The following MAST4 variants were observed in gnomAD, a reference collection of about 807,000 sequenced individuals.
MAST4 encodes the protein microtubule-associated serine/threonine-protein kinase 4.
Under a neutral mutation model 162.7 loss-of-function variants are expected in MAST4, and 89 were observed. The observed-to-expected ratio is 0.55, with a 90% CI of 0.46 to 0.65. The LOEUF (loss-of-function observed/expected upper bound fraction) is 0.65, where lower values mean the gene tolerates loss of function less well. MAST4 is among the 30% of genes least tolerant of loss of function. MAST4 has a pLI of 0.00. For missense variants in MAST4, 3,153 were observed against 3,374.0 expected (o/e 0.93, Z 1.62); for synonymous variants, 1,479 against 1,361.1 (o/e 1.09, Z -1.91).
chr5:67,152,795 G>A lies in MAST4; in HGVS notation c.3454G>A (p.Gly1152Ser). The A allele has an allele frequency of 1.2e-6, 2 of 1,614,042 alleles. No homozygotes were observed. The highest frequency in any genetic ancestry group is 1.1e-5 in the South Asian group (1 of 91,084). Residue 1152 changes from glycine (G) to serine (S), a missense_variant, in exon 25 of 29, where the codon GGC (glycine) becomes AGC (serine). This residue lies in a region of MAST4 where 619 missense variants were observed against 744.2 expected (regional missense o/e 0.83). Transcript: ENST00000403625. ...IVIHSSGKNY[G>S]FTIRAIRVYV... is the part of the protein sequence containing the mutation. ...GATCCACAGTTCGGGGAAGAACTAC[G>A]GCTTTACCATCCGAGCCATCCGGGT...
At chr5:66,958,853 A>G (rs1745634801) in intron 4 of MAST4, 1 of 189,182 alleles carries the variant, frequency 5.3e-6, no homozygotes, top group Admixed American at 5.3e-5. Flanking sequence ...CTCTTTTACA[A>G]GTATGACACT....
intron 3 of MAST4, among the ~76,000 whole-genome samples, chr5:66,811,192 C>T (rs1446732495): frequency 6.6e-6 from 1 of 152,206 alleles, no homozygotes; most frequent in Non-Finnish European, 1.5e-5. Flanking sequence ...GTCAGTAACG[C>T]TCTGCTGCCT....
At chr5:66,877,016 G>A (rs1561405526) in intron 3 of MAST4, among the ~76,000 whole-genome samples, 2 of 152,150 alleles carry the variant, frequency 1.3e-5, no homozygotes. Context: ...TTTCATAGGA[G>A]CATGTGCAAA....
chr5:66,733,122 A>G (rs1751956352), intron 1 of MAST4, among the ~76,000 whole-genome samples: 1 of 151,998 alleles, frequency 6.6e-6, no homozygotes, highest in Admixed American at 6.6e-5. Flanking sequence ...ATCTGTCCCA[A>G]CCTTTGCTTT....
intron 3 of MAST4, among the ~76,000 whole-genome samples, chr5:66,804,405 G>T (rs1052749240): frequency 2.0e-5 from 3 of 152,180 alleles, no homozygotes; most frequent in African/African-American, 7.2e-5. Flanking sequence ...CCAGACTGCA[G>T]GTCCGATGTC....
intron 3 of MAST4, among the ~76,000 whole-genome samples, chr5:66,807,748 C>T (rs866578885): frequency 1.4e-4 from 21 of 152,164 alleles, no homozygotes; most frequent in African/African-American, 4.3e-4. Flanking sequence ...GCATTTCCTC[C>T]TCGCCCTCTC....
intron 4 of MAST4, among the ~76,000 whole-genome samples, chr5:66,905,451 T>C (rs1336500707): frequency 2.0e-5 from 3 of 152,156 alleles, no homozygotes; most frequent in African/African-American, 7.2e-5. Flanking sequence ...CCAGAGGCAA[T>C]TTAAAAGGTT....
At chr5:66,711,464 A>G (rs1012074266) in intron 1 of MAST4, among the ~76,000 whole-genome samples, 1 of 152,140 alleles carries the variant, frequency 6.6e-6, no homozygotes, top group Non-Finnish European at 1.5e-5. Flanking sequence ...CTCAAAGCAT[A>G]TAATTCCAAT....
chr5:66,742,646 A>G (rs1752537969), intron 1 of MAST4, among the ~76,000 whole-genome samples: 1 of 152,030 alleles, frequency 6.6e-6, no homozygotes, highest in African/African-American at 2.4e-5. Flanking sequence ...TACTTCTTTT[A>G]GTGGAGTTGC....
intron 3 of MAST4, among the ~76,000 whole-genome samples, chr5:66,795,029 G>C (rs1479985143): frequency 6.6e-6 from 1 of 152,088 alleles, no homozygotes; most frequent in Non-Finnish European, 1.5e-5. Flanking sequence ...CATTTATTTA[G>C]GGTACAGACT....
chr5:66,837,370 A>C (rs541164556), intron 3 of MAST4, among the ~76,000 whole-genome samples: 1 of 152,278 alleles, frequency 6.6e-6, no homozygotes, highest in East Asian at 1.9e-4. Flanking sequence ...TCTTTGAACC[A>C]TCCAACAGTA....
chr5:66,788,747 C>T lies in MAST4; in HGVS notation c.595C>T (p.Arg199Cys). 3 of 1,612,040 alleles carry T rather than the reference C, an allele frequency of 1.9e-6. No individual in the cohort carries two copies. Among genetic ancestry groups the T allele is most frequent in the African/African-American group, 1.3e-5 (1 of 75,002 alleles). ...SAETSNLVRM[R>C]SQALGQSAPS... Reference sequence around the variant, plus strand: ...AGAGACGTCCAACCTCGTGCGCATGCGCAGCCAGGCCCTGGGCCAGTCGGC... The same window carrying T: ...AGAGACGTCCAACCTCGTGCGCATGTGCAGCCAGGCCCTGGGCCAGTCGGC... Residue 199 changes from arginine to cysteine, a missense_variant, in exon 3 of 29, where the codon CGC (arginine) becomes TGC (cysteine). This residue lies in a region of MAST4 where 327 missense variants were observed against 336.5 expected (regional missense o/e 0.97). Coordinates refer to ENST00000403625, the MANE Select transcript of MAST4 (RefSeq NM_001164664.2).
At chr5:66,843,963 G>T (rs973361515) in intron 3 of MAST4, among the ~76,000 whole-genome samples, 2 of 152,028 alleles carry the variant, frequency 1.3e-5, no homozygotes, top group South Asian at 2.1e-4. Context: ...ATGTGCTGGC[G>T]GGGATAGTGG....
Position 67,134,617 on chromosome 5 carries a change from A to G in MAST4, c.2321A>G (p.Tyr774Cys). 6.2e-7 allele frequency: 1 copy of G among 1,613,736 alleles called. No homozygotes were observed. The highest frequency in any genetic ancestry group is 8.5e-7 in the Non-Finnish European group (1 of 1,179,710). ...TGGTGGGCCATGGGGATTATCCTCTATGAATTTCTGGTTGGATGCGTGCCA... is the reference window on the plus strand; with the variant it reads ...TGGTGGGCCATGGGGATTATCCTCTGTGAATTTCTGGTTGGATGCGTGCCA... ...VDWWAMGIIL[Y>C]EFLVGCVPFF... Residue 774 changes from tyrosine (Y) to cysteine (C), a missense_variant, in exon 18 of 29, where the codon TAT becomes TGT. Transcript: ENST00000403625.
intron 4 of MAST4, among the ~76,000 whole-genome samples, chr5:67,034,031 A>T (rs1418523012): frequency 6.6e-6 from 1 of 152,186 alleles, no homozygotes; most frequent in Non-Finnish European, 1.5e-5. Flanking sequence ...CAAATAAGAG[A>T]TTAGAGCATA....
intron 2 of MAST4, among the ~76,000 whole-genome samples, chr5:66,785,537 C>T (rs1452291536): frequency 6.6e-6 from 1 of 152,088 alleles, no homozygotes; most frequent in Non-Finnish European, 1.5e-5. Context: ...TGGGTTTAGA[C>T]TGGAGATAAT....
At chr5:66,722,750 T>A (rs1411197226) in intron 1 of MAST4, among the ~76,000 whole-genome samples, 4 of 152,154 alleles carry the variant, frequency 2.6e-5, no homozygotes, top group Non-Finnish European at 4.4e-5. Context: ...CTAACTAGTT[T>A]TCTGGGATTT....
intron 1 of MAST4, among the ~76,000 whole-genome samples, chr5:66,740,490 C>T (rs997783701): frequency 5.3e-5 from 8 of 152,186 alleles, no homozygotes; most frequent in South Asian, 2.1e-4. Flanking sequence ...AGAAGGTCCA[C>T]GGAGTGCTTG....
chr5:66,608,355 C>CTTT lies in MAST4; in HGVS notation c.363+11366_363+11368dup, dbSNP rs72272071. Among the ~76,000 whole-genome samples, 66 of 44,426 alleles carry CTTT rather than the reference C, an allele frequency of 1.5e-3. 4 individuals are homozygous for CTTT. The highest frequency in any genetic ancestry group is 4.8e-3 in the East Asian group (6 of 1,242). The allele number at this position is 44,426 out of a possible 152,430, so 29.1% of individuals were successfully genotyped here. On this transcript the variant is annotated intron_variant, in intron 1 of 28. Transcript: ENST00000403625. ...ACAGACATGAACCACTGTGCCTGGC[C>CTTT]TTTTTTTTTTTTTTTTTTTTTTTTT...
Sources: allele counts gnomAD v4.1 joint callset (sites outside exome capture counted in the v4.1 genomes callset), GRCh38; gene constraint gnomAD v4.1.1; regional missense constraint gnomAD v4.1.1; transcripts MANE v1.5; gene names NCBI Gene and HGNC (gene_info 2026-07-23, HGNC 2026-07-21).